DOCK1: variants seen among roughly 807,000 people sequenced by gnomAD.
The protein encoded by DOCK1 is dedicator of cytokinesis 1, also known as dedicator of cytokinesis protein 1.
In DOCK1, 138 loss-of-function variants were observed where a neutral mutation model predicts 262.7. That is an observed-to-expected ratio of 0.53 (90% CI 0.46 to 0.61). DOCK1 has a LOEUF of 0.61. DOCK1 is among the 20% of genes least tolerant of loss of function. DOCK1 has a pLI of 0.00. For missense variants in DOCK1, 1,908 were observed against 2,370.7 expected (o/e 0.80, Z 4.05); for synonymous variants, 866 against 867.4 (o/e 1.00, Z 0.03).
At chr10:127,318,718 C>T (rs2062392380) in intron 29 of DOCK1, among the ~76,000 whole-genome samples, 2 of 152,162 alleles carry the variant, frequency 1.3e-5, no homozygotes, top group Admixed American at 6.5e-5. Flanking sequence ...CTGGGGATGT[C>T]GTGCTGAATA....
intron 23 of DOCK1, among the ~76,000 whole-genome samples, chr10:127,070,837 G>C (rs1002449091): frequency 6.6e-6 from 1 of 151,850 alleles, no homozygotes; most frequent in Non-Finnish European, 1.5e-5. Flanking sequence ...TGATGCTAAG[G>C]TTGTGGGTCC....
rs2057842766 is a variant in DOCK1, at chr10:127,208,873, A to G, written c.2848-39135A>G. ...TTCTAATTTAATTTCCTATTGCAGT[A>G]TTTTTGTGTTGCCTGTCATTAAGAC... On this transcript the variant is annotated intron_variant, in intron 27 of 51. Coordinates refer to ENST00000623213, the MANE Select transcript of DOCK1 (RefSeq NM_001290223.2). 2.0e-5 allele frequency among the ~76,000 whole-genome samples: 3 copies of G among 152,158 alleles called. No homozygotes were observed. The South Asian group carries it at 6.2e-4, about 32-fold the overall frequency.
Position 127,444,149 on chromosome 10 carries a change from A to G in DOCK1, c.5283A>G (p.Arg1761=). The part of the protein sequence containing the change: ...SETISPLRPQ[R]PKSQVMNVIG... The stretch of plus-strand genomic sequence containing the variant: ...AGATAAGTCCCCTGCGGCCCCAGAG[A>G]CCGAAGAGCCAGGTGATGAACGTCA... The change falls in exon 50 of 52, where the codon AGA becomes AGG. Residue 1761 remains arginine, a synonymous_variant. Coordinates refer to ENST00000623213, the MANE Select transcript of DOCK1 (RefSeq NM_001290223.2). 1.3e-6 allele frequency: 2 copies of G among 1,575,038 alleles called. No homozygotes were observed. The highest frequency in any genetic ancestry group is 1.7e-6 in the Non-Finnish European group (2 of 1,161,186).
At chr10:127,236,843 A>G (rs1347764326) in intron 27 of DOCK1, among the ~76,000 whole-genome samples, 1 of 152,258 alleles carries the variant, frequency 6.6e-6, no homozygotes. Context: ...CCTTAAATAC[A>G]TATCTAATTA....
chr10:127,248,143 T>C (rs3740013), intron 28 of DOCK1, 34 bp downstream of exon 28: 685,563 of 1,577,814 alleles, frequency 0.43, 150,720 homozygotes, highest in African/African-American at 0.54. Flanking sequence ...CACATAACCA[T>C]GTTTTAGGGC....
At chr10:127,285,985 A>G (rs1196026407) in intron 29 of DOCK1, among the ~76,000 whole-genome samples, 3 of 152,158 alleles carry the variant, frequency 2.0e-5, no homozygotes, top group African/African-American at 7.2e-5. Context: ...AAGGCAGGGC[A>G]AGTGTTTTCC....
At chr10:127,306,655 G>A (rs1328564049) in intron 29 of DOCK1, among the ~76,000 whole-genome samples, 1 of 152,150 alleles carries the variant, frequency 6.6e-6, no homozygotes, top group Admixed American at 6.6e-5. Flanking sequence ...TCTGACTTTG[G>A]CATGGTGTTA....
chr10:127,273,548 C>G (rs1180631906), intron 29 of DOCK1, among the ~76,000 whole-genome samples: 1 of 152,316 alleles, frequency 6.6e-6, no homozygotes, highest in East Asian at 1.9e-4. Flanking sequence ...ATCTCATTGC[C>G]ATCTGATGCT....
At chr10:127,262,204 G>A (rs1219265002) in intron 29 of DOCK1, among the ~76,000 whole-genome samples, 1 of 95,876 alleles carries the variant, frequency 1.0e-5, no homozygotes, top group African/African-American at 4.0e-5. Flanking sequence ...GTGCTCATCT[G>A]TGTGTGTGCG....
intron 1 of DOCK1, among the ~76,000 whole-genome samples, chr10:126,959,290 T>TA (rs2037002868): frequency 6.6e-6 from 1 of 152,174 alleles, no homozygotes; most frequent in Non-Finnish European, 1.5e-5. Context: ...TCTTTACAGA[T>TA]ACAAGTTTTC....
intron 29 of DOCK1, among the ~76,000 whole-genome samples, chr10:127,263,283 C>T (rs997717742): frequency 1.3e-5 from 2 of 152,182 alleles, no homozygotes; most frequent in African/African-American, 4.8e-5. Flanking sequence ...ATAAAGTAAT[C>T]CTCTTATGGA....
chr10:127,196,337 G>A (rs1405943592), intron 27 of DOCK1, among the ~76,000 whole-genome samples: 3 of 148,700 alleles, frequency 2.0e-5, no homozygotes, highest in African/African-American at 7.3e-5. Flanking sequence ...GCTTGCTCGC[G>A]ACGCGGCGGA....
At chr10:127,235,290 A>G (rs2059007288) in intron 27 of DOCK1, among the ~76,000 whole-genome samples, 1 of 152,066 alleles carries the variant, frequency 6.6e-6, no homozygotes, top group Admixed American at 6.6e-5. Flanking sequence ...CCATTTCCGT[A>G]AAAATATTTC....
At chr10:127,415,323 G>A (rs2068092158) in intron 44 of DOCK1, 85 bp downstream of exon 44, 30 of 1,319,822 alleles carry the variant, frequency 2.3e-5, no homozygotes, top group Non-Finnish European at 2.9e-5. Context: ...CTCATGCCCC[G>A]TGGTCACTGT....
At chr10:127,187,826 C>A (rs1274591537) in intron 27 of DOCK1, among the ~76,000 whole-genome samples, 2 of 152,076 alleles carry the variant, frequency 1.3e-5, no homozygotes, top group African/African-American at 2.4e-5. Context: ...TGGTCTCTAC[C>A]CCAGTCCAGG....
At chr10:126,990,091 C>T (rs529848823) in intron 5 of DOCK1, among the ~76,000 whole-genome samples, 3 of 152,220 alleles carry the variant, frequency 2.0e-5, no homozygotes, top group South Asian at 4.1e-4. Context: ...AGACTAATTC[C>T]GGAGGAGCTT....
At chr10:127,345,822 G>C (rs75981477) in intron 31 of DOCK1, among the ~76,000 whole-genome samples, 1 of 152,170 alleles carries the variant, frequency 6.6e-6, no homozygotes, top group Non-Finnish European at 1.5e-5. Flanking sequence ...TGGAATGCAC[G>C]CTCCCTCAGG....
intron 23 of DOCK1, among the ~76,000 whole-genome samples, chr10:127,088,732 C>T (rs1169951149): frequency 6.7e-6 from 1 of 150,248 alleles, no homozygotes; most frequent in South Asian, 2.1e-4. Context: ...TTGTATTGCA[C>T]TTCAGAGTCA....
In DOCK1 at chr10:127,036,560, T is replaced by C. The variant is rs370064942; in HGVS notation, c.1913-1159T>C. 3.9e-5 allele frequency among the ~76,000 whole-genome samples: 6 copies of C among 152,152 alleles called. No homozygotes were observed. The East Asian group carries it at 9.6e-4, about 24-fold the overall frequency. ...TTGGTTCATGAGCATAACGGTAAATTAGATGTACTTTGTTAATGGTATTTT... is the reference window on the plus strand; with the variant it reads ...TTGGTTCATGAGCATAACGGTAAATCAGATGTACTTTGTTAATGGTATTTT... On this transcript the variant is annotated intron_variant, in intron 18 of 51. Transcript: ENST00000623213.
Sources: gnomAD v4.1 joint callset for allele counts (sites outside exome capture counted in the v4.1 genomes callset) on GRCh38, gnomAD v4.1.1 for gene constraint, MANE v1.5 for transcripts, NCBI Gene and HGNC (gene_info 2026-07-23, HGNC 2026-07-21) for gene names.